PLXDC2: variants seen among roughly 807,000 people sequenced by gnomAD.
PLXDC2 encodes the protein plexin domain-containing protein 2.
Under a neutral mutation model 68.9 loss-of-function variants are expected in PLXDC2, and 40 were observed. The observed-to-expected ratio is 0.58, with a 90% CI of 0.45 to 0.76. The LOEUF is 0.76. Among genes scored for constraint, PLXDC2 ranks in the 30% least tolerant of loss-of-function variants. The pLI is 0.00. For synonymous variants in PLXDC2, 243 were observed against 234.2 expected (o/e 1.04, Z -0.34); for missense variants, 644 against 661.9 (o/e 0.97, Z 0.30).
intron 4 of PLXDC2, among the ~76,000 whole-genome samples, chr10:20,136,939 C>T (rs1833942125): frequency 6.6e-6 from 1 of 152,208 alleles, no homozygotes; most frequent in African/African-American, 2.4e-5. Context: ...CAACCACTTG[C>T]AACCAATAGG....
At chr10:20,098,854 T>C (rs920745152) in intron 4 of PLXDC2, among the ~76,000 whole-genome samples, 3 of 152,176 alleles carry the variant, frequency 2.0e-5, no homozygotes, top group Non-Finnish European at 4.4e-5. Context: ...GTAGAAGCAC[T>C]GAATGCAATA....
intron 4 of PLXDC2, among the ~76,000 whole-genome samples, chr10:20,143,077 C>T (rs945776386): frequency 6.6e-6 from 1 of 151,992 alleles, no homozygotes; most frequent in Non-Finnish European, 1.5e-5. Context: ...TTATAGATTT[C>T]GGATTTGCAA....
intron 1 of PLXDC2, among the ~76,000 whole-genome samples, chr10:19,960,461 C>G (rs1834138578): frequency 6.6e-6 from 1 of 152,124 alleles, no homozygotes; most frequent in Non-Finnish European, 1.5e-5. Flanking sequence ...TTTGCAGTGT[C>G]TTTTGGGCAG....
rs1242114442 is a variant in PLXDC2 at position 19,822,246 on chromosome 10, A to T, written c.112+5055A>T. 2.7e-5 allele frequency among the ~76,000 whole-genome samples: 4 copies of T among 149,126 alleles called. No homozygotes were observed. The East Asian group carries it at 7.8e-4, about 29-fold the overall frequency. On this transcript the variant is annotated intron_variant, in intron 1 of 13. Coordinates refer to ENST00000377252, the MANE Select transcript of PLXDC2 (RefSeq NM_032812.9). ...ACTACATATGCAATATATAATATAA[A>T]TGCCCTATATATGCAATATATATAA...
chr10:20,066,876 T>G (rs1304115351), intron 3 of PLXDC2, among the ~76,000 whole-genome samples: 1 of 152,198 alleles, frequency 6.6e-6, no homozygotes, highest in African/African-American at 2.4e-5. Flanking sequence ...TTGTGGAATT[T>G]TAATGTAATA....
chr10:20,234,652 A>T (rs1286691225), intron 12 of PLXDC2, among the ~76,000 whole-genome samples: 6 of 143,932 alleles, frequency 4.2e-5, no homozygotes, highest in African/African-American at 1.3e-4. Context: ...TTTTGTTTTC[A>T]GGGTTTCTTT....
chr10:20,074,020 G>A (rs1836389636), intron 4 of PLXDC2, among the ~76,000 whole-genome samples: 1 of 152,024 alleles, frequency 6.6e-6, no homozygotes, highest in Non-Finnish European at 1.5e-5. Context: ...GAAGAGAAGA[G>A]GTAACATTAT....
At chr10:19,869,991 C>T (rs761283513) in intron 1 of PLXDC2, among the ~76,000 whole-genome samples, 2 of 152,176 alleles carry the variant, frequency 1.3e-5, no homozygotes, top group Non-Finnish European at 2.9e-5. Context: ...GGGGTTTGGA[C>T]ATTCTCTTGA....
chr10:19,916,616 G>T (rs557825452), intron 1 of PLXDC2, among the ~76,000 whole-genome samples: 1 of 152,146 alleles, frequency 6.6e-6, no homozygotes, highest in East Asian at 1.9e-4. Flanking sequence ...TTTAGGAAAT[G>T]ATTATTTATT....
chr10:19,964,511 G>T (rs1490248543), intron 1 of PLXDC2, among the ~76,000 whole-genome samples: 1 of 152,150 alleles, frequency 6.6e-6, no homozygotes, highest in Non-Finnish European at 1.5e-5. Context: ...ACTGAAAGGA[G>T]TTAAAAACAA....
At chr10:19,949,123 C>CA (rs60138814) in intron 1 of PLXDC2, among the ~76,000 whole-genome samples, 29,507 of 82,892 alleles carry the variant, frequency 0.36, 6,890 homozygotes, top group Middle Eastern at 0.48. Context: ...GAGACTTTGT[C>CA]AAAAAAAAAA....
chr10:19,861,436 C>A (rs1359828101), intron 1 of PLXDC2, among the ~76,000 whole-genome samples: 3 of 152,064 alleles, frequency 2.0e-5, no homozygotes, highest in Admixed American at 6.6e-5. Flanking sequence ...AAAAATAAAA[C>A]CTCACTTTGC....
chr10:20,172,603 G>A (rs1834463195), intron 7 of PLXDC2, among the ~76,000 whole-genome samples: 1 of 152,124 alleles, frequency 6.6e-6, no homozygotes, highest in Non-Finnish European at 1.5e-5. Flanking sequence ...CACCTTGAGT[G>A]TTTATCAGTT....
intron 9 of PLXDC2, among the ~76,000 whole-genome samples, chr10:20,189,477 A>ATATATATATATATATG (rs1834731782): frequency 2.4e-4 from 1 of 4,082 alleles, no homozygotes; most frequent in Non-Finnish European, 6.0e-4. Context: ...AAGGTAGGCC[A>ATATATATATATATATG]TATATATATA....
At chr10:20,112,622 G>A (rs200650660) in intron 4 of PLXDC2, among the ~76,000 whole-genome samples, 2 of 152,092 alleles carry the variant, frequency 1.3e-5, no homozygotes, top group East Asian at 1.9e-4. Context: ...CTTCTATCAC[G>A]GTGGATTTAT....
intron 2 of PLXDC2, among the ~76,000 whole-genome samples, chr10:20,033,402 TTTC>T (rs568515417): frequency 1.0e-3 from 152 of 152,260 alleles, no homozygotes; most frequent in African/African-American, 3.4e-3. Context: ...AAGTGACCCA[TTTC>T]TTCTTCATTT....
intron 4 of PLXDC2, among the ~76,000 whole-genome samples, chr10:20,071,566 A>G (rs1217382911): frequency 6.6e-6 from 1 of 152,132 alleles, no homozygotes; most frequent in Non-Finnish European, 1.5e-5. Context: ...CATGTAAGAC[A>G]TGCCTTTACT....
intron 12 of PLXDC2, among the ~76,000 whole-genome samples, chr10:20,230,786 A>G (rs1835354857): frequency 6.6e-6 from 1 of 150,662 alleles, no homozygotes; most frequent in Non-Finnish European, 1.5e-5. Context: ...AAAATTAAGA[A>G]GGATATATAT....
chr10:19,946,615 T>C (rs572451033), intron 1 of PLXDC2, among the ~76,000 whole-genome samples: 3 of 151,834 alleles, frequency 2.0e-5, no homozygotes, highest in Non-Finnish European at 2.9e-5. Flanking sequence ...GAGACCGATT[T>C]TGTGAAAGAC....
Sources: allele counts gnomAD v4.1 joint callset (sites outside exome capture counted in the v4.1 genomes callset), GRCh38; gene constraint gnomAD v4.1.1; transcripts MANE v1.5; gene names NCBI Gene and HGNC (gene_info 2026-07-23, HGNC 2026-07-21).